Variants in MSR1 observed in about 807,000 individuals in gnomAD.
MSR1 encodes the protein macrophage scavenger receptor 1, also known as macrophage scavenger receptor types I and II.
A neutral mutation model predicts 47.2 loss-of-function variants in MSR1; 53 were observed. The ratio of observed to expected loss-of-function variants is 1.12; its 90% CI spans 0.90 to 1.41. The LOEUF is 1.41. Ranked by LOEUF, MSR1 falls within the 40% of genes most tolerant of loss-of-function variation. The pLI, the probability that MSR1 is intolerant of heterozygous loss-of-function variation, is 0.00. For synonymous variants in MSR1, 239 were observed against 185.6 expected (o/e 1.29, Z -2.34); for missense variants, 786 against 546.9 (o/e 1.44, Z -4.36).
intron 8 of MSR1, among the ~76,000 whole-genome samples, chr8:16,126,913 C>T (rs963325839): frequency 1.3e-5 from 2 of 151,942 alleles, no homozygotes; most frequent in African/African-American, 4.8e-5. Flanking sequence ...GGGGAGAACA[C>T]CAGAGTGATA....
At chr8:16,189,478 T>TTTA (rs1554476546) in intron 1 of MSR1, among the ~76,000 whole-genome samples, 1 of 89,474 alleles carries the variant, frequency 1.1e-5, no homozygotes, top group Non-Finnish European at 1.8e-5. Flanking sequence ...TTTATATATT[T>TTTA]TATATATAAA....
rs191647328 is a variant in MSR1, at chr8:16,179,825, C to T, written c.-4-1833G>A. 8.9e-3 allele frequency among the ~76,000 whole-genome samples: 1,219 copies of T among 136,626 alleles called. 9 individuals carry two copies. The highest frequency in any genetic ancestry group is 0.01 in the Admixed American group (125 of 12,024). 89.6% of individuals were successfully genotyped at this position (136,626 alleles called of 152,430 possible). A position where few individuals can be genotyped will look rare whatever the true frequency, so the allele number is the denominator to read the frequency against. ...CCGGAAGACAGAACTTGCAGTGAGC[C>T]GACATTGCACCGCTGAACTCTAGCC... is the stretch of plus-strand genomic sequence containing the variant. On this transcript the variant is annotated intron_variant, in intron 1 of 9. Transcript: ENST00000262101.
rs900689401 is a variant in MSR1, at chr8:16,110,238, C to G, written c.1223-20G>C. 6.2e-6 allele frequency: 10 copies of G among 1,612,676 alleles called. No homozygotes were observed. The highest frequency in any genetic ancestry group is 1.3e-5 in the African/African-American group (1 of 75,022). ...CAGTACCTGCAATAATGAGGTATAACTGCATTAGTAAGTTTAGAGTTTAGT... is the reference window on the plus strand; with the variant it reads ...CAGTACCTGCAATAATGAGGTATAAGTGCATTAGTAAGTTTAGAGTTTAGT... On this transcript the variant is annotated intron_variant, in intron 9 of 9. Transcript: ENST00000262101.
chr8:16,150,540 G>T (rs1169936716), intron 6 of MSR1, among the ~76,000 whole-genome samples: 6 of 151,980 alleles, frequency 3.9e-5, no homozygotes, highest in African/African-American at 1.2e-4. Flanking sequence ...ATAACATATT[G>T]TTGGTAGAAA....
intron 9 of MSR1, 78 bp from the exon 10 acceptor site, chr8:16,110,296 C>T: frequency 4.7e-6 from 7 of 1,502,352 alleles, no homozygotes; most frequent in Non-Finnish European, 6.5e-6. Context: ...GCCATTAATT[C>T]CTTCACTAAT....
At chr8:16,160,489 GAGA>G (rs1161281170) in intron 5 of MSR1, among the ~76,000 whole-genome samples, 1 of 151,956 alleles carries the variant, frequency 6.6e-6, no homozygotes, top group Non-Finnish European at 1.5e-5. Flanking sequence ...AGACAAGGAG[GAGA>G]AGACTTAACC....
At chr8:16,154,733 C>G (rs1800952454) in intron 6 of MSR1, among the ~76,000 whole-genome samples, 1 of 151,924 alleles carries the variant, frequency 6.6e-6, no homozygotes. Context: ...ACGGTTAGGT[C>G]TGCCTTATAC....
chr8:16,131,377 A>AT (rs2117084614), intron 8 of MSR1, among the ~76,000 whole-genome samples: 1 of 143,734 alleles, frequency 7.0e-6, no homozygotes, highest in African/African-American at 2.6e-5. Flanking sequence ...GATATTAGAC[A>AT]TTTTTTGATA....
At chr8:16,113,036 G>T (rs1024680004) in intron 9 of MSR1, among the ~76,000 whole-genome samples, 2 of 139,600 alleles carry the variant, frequency 1.4e-5, no homozygotes, top group East Asian at 4.4e-4. Flanking sequence ...CTGCACTTCC[G>T]CTTCCTGGGT....
chr8:16,126,816 C>G (rs942350254), intron 8 of MSR1, among the ~76,000 whole-genome samples: 11 of 152,090 alleles, frequency 7.2e-5, no homozygotes, highest in African/African-American at 2.7e-4. Flanking sequence ...TTTGGCCTCC[C>G]AAAGTACTGG....
intron 9 of MSR1, among the ~76,000 whole-genome samples, chr8:16,119,039 T>C (rs1799938667): frequency 6.6e-6 from 1 of 152,126 alleles, no homozygotes; most frequent in Non-Finnish European, 1.5e-5. Flanking sequence ...TTTCCTTTGT[T>C]TCTTCTATGT....
In MSR1 at chr8:16,110,129, C is replaced by T; in HGVS notation, c.1312G>A (p.Ala438Thr). 4.3e-6 allele frequency: 7 copies of T among 1,613,692 alleles called. No individual in the cohort carries two copies. The highest frequency in any genetic ancestry group is 5.9e-6 in the Non-Finnish European group (7 of 1,179,740). The change falls in exon 10 of 10, where the codon GCC (alanine) becomes ACC (threonine). Residue 438 changes from alanine to threonine, a missense_variant. Physicochemically the swap from Ala to Thr is moderately conservative, Grantham distance 58. Coordinates refer to ENST00000262101, the MANE Select transcript of MSR1 (RefSeq NM_138715.3). ...CCAGCATCTTCAGAATGTGAACAGG[C>T]TCTTGTCCCCCATTGCCGAATTTTA... The part of the protein sequence containing the change: ...ECKIRQWGTR[A>T]CSHSEDAGVT...
intron 6 of MSR1, among the ~76,000 whole-genome samples, chr8:16,151,431 C>A (rs1002594581): frequency 3.3e-5 from 5 of 152,110 alleles, no homozygotes; most frequent in Admixed American, 1.3e-4. Context: ...GTTAAGCAGA[C>A]TCTATATGGC....
In MSR1 at chr8:16,120,269, A is replaced by C. The variant is rs1489116195; in HGVS notation, c.1222+149T>G. 23 of 795,078 alleles carry C rather than the reference A, an allele frequency of 2.9e-5. 1 individual carries two copies. The highest frequency in any genetic ancestry group is 4.2e-5 in the Non-Finnish European group (20 of 473,478). The allele number at this position is 795,078 out of a possible 1,614,324, so 49.3% of individuals were successfully genotyped here. A position where few individuals can be genotyped will look rare whatever the true frequency, so the allele number is the denominator to read the frequency against. On this transcript the variant is annotated intron_variant, in intron 9 of 9. Transcript: ENST00000262101. Reference sequence around the variant, plus strand: ...GCGCGCGGCTGTAGTCCCAGCTACTAGGCAGGCTAAGGGAGGAGAATCGCT... The same window carrying C: ...GCGCGCGGCTGTAGTCCCAGCTACTCGGCAGGCTAAGGGAGGAGAATCGCT...
In MSR1 at chr8:16,175,249, G is replaced by A; in HGVS notation, c.155C>T (p.Ala52Val). 2 of 1,614,102 alleles carry A rather than the reference G, an allele frequency of 1.2e-6. No individual in the cohort carries two copies. The highest frequency in any genetic ancestry group is 8.5e-7 in the Non-Finnish European group (1 of 1,180,012). The change falls in exon 3 of 10, where the codon GCA becomes GTA. Residue 52 changes from alanine to valine, a missense_variant. By Grantham distance (64) the Ala-to-Val change is moderately conservative. Coordinates refer to ENST00000262101, the MANE Select transcript of MSR1 (RefSeq NM_138715.3). ...CACGAGGAGGTAAAGGGCAATCAGTGCAGCTTTGAAGGACTTCAGTTTCTC... is the reference window on the plus strand; with the variant it reads ...CACGAGGAGGTAAAGGGCAATCAGTACAGCTTTGAAGGACTTCAGTTTCTC... ...LQEKLKSFKA[A>V]LIALYLLVFA...
intron 8 of MSR1, among the ~76,000 whole-genome samples, chr8:16,142,013 A>C (rs529531987): frequency 3.3e-5 from 5 of 152,230 alleles, no homozygotes; most frequent in South Asian, 4.1e-4. Context: ...AAGGAGAAAG[A>C]AAGAAGTAAG....
At chr8:16,131,465 T>TG (rs1491288193) in intron 8 of MSR1, among the ~76,000 whole-genome samples, 2 of 99,128 alleles carry the variant, frequency 2.0e-5, no homozygotes, top group African/African-American at 6.5e-5. Context: ...TTTTTTTTTT[T>TG]GTGGTGCAGC....
At chr8:16,111,062 T>C (rs930807061) in intron 9 of MSR1, among the ~76,000 whole-genome samples, 12 of 152,166 alleles carry the variant, frequency 7.9e-5, no homozygotes, top group African/African-American at 2.7e-4. Context: ...ATTATCTTAC[T>C]AGGCATGGCA....
At chr8:16,146,443 G>A (rs1307958126) in intron 7 of MSR1, among the ~76,000 whole-genome samples, 3 of 151,860 alleles carry the variant, frequency 2.0e-5, no homozygotes, top group African/African-American at 7.3e-5. Context: ...TGCATAGTGA[G>A]GCAGCTTGAG....
Sources: gnomAD v4.1 joint callset for allele counts (sites outside exome capture counted in the v4.1 genomes callset) on GRCh38, gnomAD v4.1.1 for gene constraint, MANE v1.5 for transcripts, NCBI Gene and HGNC (gene_info 2026-07-23, HGNC 2026-07-21) for gene names.